SLC24A2: variants seen among roughly 807,000 people sequenced by gnomAD.
SLC24A2 encodes sodium/potassium/calcium exchanger 2.
Under a neutral mutation model 62.0 loss-of-function variants are expected in SLC24A2, and 36 were observed. That is an observed-to-expected ratio of 0.58 (90% CI 0.44 to 0.77). SLC24A2 has a LOEUF of 0.77. Ranked by LOEUF, SLC24A2 falls within the 30% of genes least tolerant of loss-of-function variation. The pLI, the probability that SLC24A2 is intolerant of heterozygous loss-of-function variation, is 0.00. For missense variants in SLC24A2, 846 were observed against 817.9 expected (o/e 1.03, Z -0.42); for synonymous variants, 358 against 294.0 (o/e 1.22, Z -2.23).
the SLC24A2 span, among the ~76,000 whole-genome samples, chr9:20,246,849 T>G: frequency 6.6e-6 from 1 of 152,098 alleles, no homozygotes; most frequent in East Asian, 1.9e-4. Flanking sequence ...TCTGCACCAG[T>G]CCCAACTGAA....
At chr9:19,839,475 CT>C in the SLC24A2 span, among the ~76,000 whole-genome samples, 8 of 151,102 alleles carry the variant, frequency 5.3e-5, no homozygotes, top group East Asian at 1.9e-4. Context: ...TTATATTTTT[CT>C]TTTTTTTTCT....
intron 10 of SLC24A2, among the ~76,000 whole-genome samples, chr9:19,520,576 C>G (rs1244647507): frequency 5.3e-5 from 8 of 152,194 alleles, no homozygotes; most frequent in Middle Eastern, 3.4e-3. Flanking sequence ...ACCTTCTTAT[C>G]ATGAAGCTAT....
At chr9:19,822,848 G>A in the SLC24A2 span, among the ~76,000 whole-genome samples, 5 of 152,092 alleles carry the variant, frequency 3.3e-5, no homozygotes, top group African/African-American at 1.2e-4. Flanking sequence ...AAAATGATAA[G>A]CTTACTTCCA....
At chr9:19,836,585 A>C in the SLC24A2 span, among the ~76,000 whole-genome samples, 3 of 152,230 alleles carry the variant, frequency 2.0e-5, no homozygotes, top group Non-Finnish European at 4.4e-5. Context: ...GGCAATAATG[A>C]ATAGCTTACC....
chr9:20,094,306 C>A, the SLC24A2 span, among the ~76,000 whole-genome samples: 1 of 152,086 alleles, frequency 6.6e-6, no homozygotes, highest in Non-Finnish European at 1.5e-5. Flanking sequence ...CCCTTTTTTA[C>A]TTGAAAGAAC....
the SLC24A2 span, among the ~76,000 whole-genome samples, chr9:20,183,127 C>T: frequency 6.6e-6 from 1 of 152,040 alleles, no homozygotes; most frequent in East Asian, 1.9e-4. Context: ...TGGCTCGTAC[C>T]TGGACTTGGG....
At chr9:20,273,304 A>C in the SLC24A2 span, among the ~76,000 whole-genome samples, 2 of 152,212 alleles carry the variant, frequency 1.3e-5, no homozygotes, top group African/African-American at 4.8e-5. Context: ...TAAAACCCTC[A>C]TGCAACAGAT....
At chr9:19,984,642 G>C in the SLC24A2 span, among the ~76,000 whole-genome samples, 2 of 152,204 alleles carry the variant, frequency 1.3e-5, no homozygotes, top group Non-Finnish European at 2.9e-5. Context: ...GGAGGCAGAA[G>C]TTGCAGTGAG....
chr9:19,775,946 G>A (rs1822832706), intron 2 of SLC24A2, among the ~76,000 whole-genome samples: 2 of 152,168 alleles, frequency 1.3e-5, no homozygotes, highest in African/African-American at 4.8e-5. Flanking sequence ...TAAGGCCACA[G>A]CCCTTTGGTG....
the SLC24A2 span, among the ~76,000 whole-genome samples, chr9:20,136,842 A>T: frequency 1.9e-4 from 29 of 152,132 alleles, no homozygotes; most frequent in Non-Finnish European, 2.5e-4. Flanking sequence ...CAGTAATTTT[A>T]CCCAAAATGT....
chr9:19,872,554 G>C, the SLC24A2 span, among the ~76,000 whole-genome samples: 8 of 152,034 alleles, frequency 5.3e-5, no homozygotes, highest in African/African-American at 1.9e-4. Flanking sequence ...TGTCTCATAC[G>C]GCTCTGAGAG....
At chr9:19,935,835 A>G in the SLC24A2 span, among the ~76,000 whole-genome samples, 4 of 152,180 alleles carry the variant, frequency 2.6e-5, no homozygotes, top group Admixed American at 2.0e-4. Context: ...ACCTCATCCC[A>G]CTGACTGAAG....
In SLC24A2 at chr9:19,772,345, G is replaced by C. The variant is rs76643873; in HGVS notation, c.930+13592C>G. Among the ~76,000 whole-genome samples, 38 of 152,296 alleles carry C rather than the reference G, an allele frequency of 2.5e-4. 1 individual carries two copies. The East Asian group carries it at 7.3e-3, about 29-fold the overall frequency. On this transcript the variant is annotated intron_variant, in intron 2 of 10. Transcript: ENST00000341998. ...GATCCAAGGGTCTCAAATCACTCTA[G>C]ATAAAAATGTGCTTAGAAAACAAGA...
chr9:20,173,249 C>G, the SLC24A2 span, among the ~76,000 whole-genome samples: 1 of 152,040 alleles, frequency 6.6e-6, no homozygotes, highest in African/African-American at 2.4e-5. Context: ...AAGCTGAAGG[C>G]ATTCCCTCTG....
the SLC24A2 span, among the ~76,000 whole-genome samples, chr9:19,843,812 A>G: frequency 6.6e-6 from 1 of 152,156 alleles, no homozygotes; most frequent in African/African-American, 2.4e-5. Context: ...TGCTTAGGAT[A>G]ATGGCCTCCA....
chr9:19,635,504 A>T (rs1818289635), intron 2 of SLC24A2, among the ~76,000 whole-genome samples: 1 of 152,224 alleles, frequency 6.6e-6, no homozygotes, highest in Non-Finnish European at 1.5e-5. Context: ...TTATAGGAGC[A>T]TTGGATATCT....
At chr9:19,555,208 T>A (rs2132768378) in intron 7 of SLC24A2, among the ~76,000 whole-genome samples, 1 of 152,246 alleles carries the variant, frequency 6.6e-6, no homozygotes, top group East Asian at 1.9e-4. Flanking sequence ...TTATTTTGGG[T>A]TTTTAGTTCT....
the SLC24A2 span, among the ~76,000 whole-genome samples, chr9:20,183,214 A>G: frequency 6.6e-6 from 1 of 152,186 alleles, no homozygotes; most frequent in African/African-American, 2.4e-5. Context: ...TGTGGGGAGA[A>G]CTAAGTATCA....
At chr9:20,018,532 T>C in the SLC24A2 span, among the ~76,000 whole-genome samples, 2 of 152,178 alleles carry the variant, frequency 1.3e-5, no homozygotes, top group African/African-American at 4.8e-5. Flanking sequence ...ATTTTCCTTT[T>C]CCTCCATTTT....
Sources: allele counts gnomAD v4.1 joint callset (sites outside exome capture counted in the v4.1 genomes callset), GRCh38; gene constraint gnomAD v4.1.1; transcripts MANE v1.5; gene names NCBI Gene and HGNC (gene_info 2026-07-23, HGNC 2026-07-21).